The following TMEM266 variants were observed in gnomAD, a reference collection of about 807,000 sequenced individuals.
The protein encoded by TMEM266 is Hv1 related protein 1.
TMEM266 carries 33 observed loss-of-function variants against 50.5 expected under a neutral mutation model. The ratio of observed to expected loss-of-function variants is 0.65; its 90% CI spans 0.50 to 0.87. TMEM266 has a LOEUF of 0.87. Among genes scored for constraint, TMEM266 ranks in the 40% least tolerant of loss-of-function variants. TMEM266 has a pLI of 0.00. For synonymous variants in TMEM266, 310 were observed against 292.3 expected (o/e 1.06, Z -0.62); for missense variants, 655 against 695.1 (o/e 0.94, Z 0.65).
At chr15:76,085,494 A>C (rs1402602580) in intron 1 of TMEM266, among the ~76,000 whole-genome samples, 2 of 149,506 alleles carry the variant, frequency 1.3e-5, no homozygotes, top group Non-Finnish European at 3.0e-5. Context: ...TCCTGACCTC[A>C]GTTGATCCAC....
At chr15:76,151,623 G>A (rs74024091) in intron 3 of TMEM266, among the ~76,000 whole-genome samples, 22,598 of 151,960 alleles carry the variant, frequency 0.15, 1,846 homozygotes, top group African/African-American at 0.2. Flanking sequence ...ATGCTCCAGG[G>A]CTGCTTGACC....
chr15:76,202,758 T>C (rs1422821404), intron 10 of TMEM266, among the ~76,000 whole-genome samples: 1 of 152,156 alleles, frequency 6.6e-6, no homozygotes, highest in African/African-American at 2.4e-5. Flanking sequence ...GCTGAGGCCT[T>C]GGGTGTCTCG....
At chr15:76,104,132 A>G (rs1221711167) in intron 1 of TMEM266, among the ~76,000 whole-genome samples, 1 of 151,684 alleles carries the variant, frequency 6.6e-6, no homozygotes, top group Non-Finnish European at 1.5e-5. Context: ...GCGGGAACCC[A>G]GGAGGCAGAG....
At chr15:76,198,455 C>T (rs759866559) in intron 9 of TMEM266, among the ~76,000 whole-genome samples, 67 of 152,198 alleles carry the variant, frequency 4.4e-4, no homozygotes, top group Middle Eastern at 6.3e-3. Flanking sequence ...CATTCCCAGC[C>T]ATAAACATCT....
chr15:76,149,889 T>G (rs1010959116), intron 3 of TMEM266, among the ~76,000 whole-genome samples: 1 of 152,256 alleles, frequency 6.6e-6, no homozygotes, highest in Non-Finnish European at 1.5e-5. Context: ...AAGTTACATT[T>G]CAGTCAGCCT....
At chr15:76,157,463 G>A (rs977768138) in intron 4 of TMEM266, among the ~76,000 whole-genome samples, 1 of 152,274 alleles carries the variant, frequency 6.6e-6, no homozygotes, top group East Asian at 1.9e-4. Context: ...TTAGTTTCAC[G>A]TTAAACCTTG....
intron 2 of TMEM266, 36 bp from the exon 3 acceptor site, chr15:76,137,671 A>G (rs1209267118): frequency 1.0e-5 from 16 of 1,604,662 alleles, no homozygotes; most frequent in Non-Finnish European, 1.4e-5. Context: ...GCCCTTGAAG[A>G]TAACTCTTTC....
chr15:76,085,634 A>T (rs2036765969), intron 1 of TMEM266, among the ~76,000 whole-genome samples: 1 of 152,240 alleles, frequency 6.6e-6, no homozygotes, highest in South Asian at 2.1e-4. Flanking sequence ...ATAAAATGGT[A>T]TAGCCACTTT....
At chr15:76,143,646 G>A (rs1477417000) in intron 3 of TMEM266, among the ~76,000 whole-genome samples, 5 of 152,250 alleles carry the variant, frequency 3.3e-5, no homozygotes, top group Admixed American at 6.5e-5. Context: ...ATGAGCCACC[G>A]TGCCCAGCCC....
intron 10 of TMEM266, 69 bp downstream of exon 10, chr15:76,202,333 G>A (rs747396462): frequency 2.7e-5 from 38 of 1,425,784 alleles, no homozygotes; most frequent in Admixed American, 5.7e-5. Context: ...GAGACAACTC[G>A]GCCTGGCTTC....
At chr15:76,125,536 C>T (rs1290845874) in intron 1 of TMEM266, among the ~76,000 whole-genome samples, 1 of 151,586 alleles carries the variant, frequency 6.6e-6, no homozygotes, top group African/African-American at 2.4e-5. Flanking sequence ...GGAACCTATA[C>T]AACTCAATAG....
At chr15:76,143,626 G>C (rs970192806) in intron 3 of TMEM266, among the ~76,000 whole-genome samples, 3 of 152,126 alleles carry the variant, frequency 2.0e-5, no homozygotes, top group African/African-American at 7.2e-5. Flanking sequence ...GGAGTGCTGG[G>C]GTTACAGGCA....
intron 1 of TMEM266, among the ~76,000 whole-genome samples, chr15:76,085,920 C>T (rs1264662544): frequency 1.3e-5 from 2 of 151,930 alleles, no homozygotes; most frequent in South Asian, 2.1e-4. Context: ...TGGTGGTGCA[C>T]GCCTTTAGTT....
intron 1 of TMEM266, among the ~76,000 whole-genome samples, chr15:76,091,074 G>T (rs2036841281): frequency 6.6e-6 from 1 of 152,100 alleles, no homozygotes; most frequent in Non-Finnish European, 1.5e-5. Context: ...AGGGAAAAAA[G>T]TGTCCACTGG....
chr15:76,070,855 C>T (rs1218751862), intron 1 of TMEM266, among the ~76,000 whole-genome samples: 1 of 152,200 alleles, frequency 6.6e-6, no homozygotes, highest in East Asian at 1.9e-4. Flanking sequence ...AGAGGGTCCT[C>T]CAATGCTAGG....
At chr15:76,137,674 ACT>A (rs760463765) in intron 2 of TMEM266, 31 bp from the exon 3 acceptor site, 20 of 1,606,698 alleles carry the variant, frequency 1.2e-5, no homozygotes, top group Non-Finnish European at 1.7e-5. Flanking sequence ...CTTGAAGATA[ACT>A]CTTTCCCATT....
intron 10 of TMEM266, among the ~76,000 whole-genome samples, chr15:76,202,626 C>G (rs1259781306): frequency 6.6e-6 from 1 of 152,138 alleles, no homozygotes; most frequent in Non-Finnish European, 1.5e-5. Context: ...TGCCATAGCA[C>G]CCCTGGGTGT....
At chr15:76,171,222 C>G (rs1335460034) in intron 7 of TMEM266, 91 bp downstream of exon 7, 2 of 1,514,788 alleles carry the variant, frequency 1.3e-6, no homozygotes, top group Admixed American at 2.0e-5. Context: ...GGGGGTACAC[C>G]CTGCTGGCGT....
At chr15:76,197,513 T>C (rs1014626498) in intron 9 of TMEM266, among the ~76,000 whole-genome samples, 4 of 152,258 alleles carry the variant, frequency 2.6e-5, no homozygotes, top group African/African-American at 9.6e-5. Flanking sequence ...TAGCTGGTCC[T>C]GTCTCAGTCT....
Sources: allele counts gnomAD v4.1 joint callset (sites outside exome capture counted in the v4.1 genomes callset), GRCh38; gene constraint gnomAD v4.1.1; transcripts MANE v1.5; gene names NCBI Gene and HGNC (gene_info 2026-07-23, HGNC 2026-07-21).